The following CD2AP variants were observed in gnomAD, a reference collection of about 807,000 sequenced individuals.
CD2AP encodes CD2-associated protein.
CD2AP carries 46 observed loss-of-function variants against 85.1 expected under a neutral mutation model. That is an observed-to-expected ratio of 0.54 (90% confidence interval 0.43 to 0.69). CD2AP has a LOEUF of 0.69. Among genes scored for constraint, CD2AP ranks in the 30% least tolerant of loss-of-function variants. The pLI is 0.00. For missense variants in CD2AP, 769 were observed against 729.5 expected, an observed-to-expected ratio of 1.05 and a Z score of -0.62; for synonymous variants, 255 against 252.9, an observed-to-expected ratio of 1.01 and a Z score of -0.08.
intron 1 of CD2AP, among the ~76,000 whole-genome samples, chr6:47,492,843 G>T (rs1424604952): frequency 2.0e-5 from 3 of 151,860 alleles, no homozygotes; most frequent in African/African-American, 4.8e-5. Flanking sequence ...TTTTCTTTGA[G>T]TGTTTTATAT....
chr6:47,563,821 C>T (rs1378628327), intron 5 of CD2AP, among the ~76,000 whole-genome samples: 5 of 152,106 alleles, frequency 3.3e-5, no homozygotes, highest in Non-Finnish European at 5.9e-5. Flanking sequence ...AGTGTTCTTC[C>T]ACTATTTCTT....
chr6:47,592,047 G>C (rs1768814246), intron 11 of CD2AP, among the ~76,000 whole-genome samples: 1 of 151,886 alleles, frequency 6.6e-6, no homozygotes, highest in African/African-American at 2.4e-5. Flanking sequence ...TGTTGCCCAG[G>C]CTTGTCATGA....
At chr6:47,623,988 T>C (rs1472892395) in intron 17 of CD2AP, among the ~76,000 whole-genome samples, 198 bp from the exon 18 acceptor site, 1 of 152,172 alleles carries the variant, frequency 6.6e-6, no homozygotes, top group African/African-American at 2.4e-5. Flanking sequence ...TTTTTTCTTA[T>C]TGTAACTGCC....
intron 13 of CD2AP, among the ~76,000 whole-genome samples, chr6:47,601,300 T>C (rs1057282848): frequency 3.3e-5 from 5 of 151,934 alleles, no homozygotes; most frequent in African/African-American, 9.7e-5. Flanking sequence ...TTCTGATTTG[T>C]TCTTTTCTTT....
intron 5 of CD2AP, among the ~76,000 whole-genome samples, chr6:47,571,146 A>T (rs1468473439): frequency 1.3e-5 from 2 of 152,102 alleles, no homozygotes; most frequent in African/African-American, 4.8e-5. Flanking sequence ...GTTTCATTTT[A>T]AAAATGCCTT....
chr6:47,612,690 A>T (rs566744779), intron 17 of CD2AP, among the ~76,000 whole-genome samples, 154 bp downstream of exon 17: 1 of 152,248 alleles, frequency 6.6e-6, no homozygotes, highest in East Asian at 1.9e-4. Context: ...CAAAAAAAGA[A>T]TGAGATCCTG....
rs114193999 is a variant in CD2AP at position 47,499,115 on chromosome 6, G to C, written c.5-4165G>C. ...TTTTTGATAACTTCCTTACTTTCTG[G>C]CACAACAAAATGTTCCAGGCTAATC... On this transcript the variant is annotated intron_variant, in intron 1 of 17. Transcript: ENST00000359314. 3.6e-3 allele frequency among the ~76,000 whole-genome samples: 547 copies of C among 152,102 alleles called. 2 individuals carry two copies. The highest frequency in any genetic ancestry group is 0.012 in the African/African-American group (518 of 41,474).
At chr6:47,555,451 G>A (rs916825583) in intron 5 of CD2AP, among the ~76,000 whole-genome samples, 5 of 151,968 alleles carry the variant, frequency 3.3e-5, no homozygotes, top group Non-Finnish European at 5.9e-5. Context: ...GAGAATTTTC[G>A]GGGATTTGCA....
chr6:47,562,159 T>A (rs1767880735), intron 5 of CD2AP, among the ~76,000 whole-genome samples: 1 of 152,206 alleles, frequency 6.6e-6, no homozygotes, highest in South Asian at 2.1e-4. Context: ...TTCGTTTGCT[T>A]TTTAGTATAA....
intron 1 of CD2AP, among the ~76,000 whole-genome samples, chr6:47,496,842 A>G (rs939762302): frequency 6.6e-6 from 1 of 152,184 alleles, no homozygotes; most frequent in Non-Finnish European, 1.5e-5. Context: ...TTGCTTATTT[A>G]TAATCTCATG....
chr6:47,612,641 T>G, intron 17 of CD2AP, 105 bp downstream of exon 17: 1 of 761,032 alleles, frequency 1.3e-6, no homozygotes. Flanking sequence ...GCTATACTAC[T>G]TCAGTTGGAC....
At chr6:47,623,299 C>T (rs1433755500) in intron 17 of CD2AP, among the ~76,000 whole-genome samples, 1 of 152,134 alleles carries the variant, frequency 6.6e-6, no homozygotes, top group African/African-American at 2.4e-5. Context: ...TTTATGTGCA[C>T]TCTTGAGGAA....
chr6:47,609,563 G>T lies in CD2AP; in HGVS notation c.1814+259G>T, dbSNP rs148096534. The T allele has an allele frequency of 5.3e-4, 191 of 359,462 alleles. 3 individuals are homozygous for T. The highest frequency in any genetic ancestry group is 3.4e-3 in the South Asian group (111 of 32,668). 22.3% of individuals were successfully genotyped at this position (359,462 alleles called of 1,614,324 possible). A position where few individuals can be genotyped will look rare whatever the true frequency, so the allele number is the denominator to read the frequency against. ...AAAAGAAAAGAAAAAGCCAGGCTTGGTGACACATCCCTGTGGTCCCAGCTA... is the reference window on the plus strand; with the variant it reads ...AAAAGAAAAGAAAAAGCCAGGCTTGTTGACACATCCCTGTGGTCCCAGCTA... On this transcript the variant is annotated intron_variant, in intron 16 of 17. Coordinates refer to ENST00000359314, the MANE Select transcript of CD2AP (RefSeq NM_012120.3).
In CD2AP at chr6:47,609,124, C is replaced by A; in HGVS notation, c.1634C>A (p.Pro545Gln). The A allele has an allele frequency of 6.3e-7, 1 of 1,593,296 alleles. No homozygotes were observed. The highest frequency in any genetic ancestry group is 1.2e-5 in the South Asian group (1 of 85,274). Residue 545 changes from proline to glutamine, a missense_variant and splice_region_variant, in exon 16 of 18, where the codon CCA (proline) becomes CAA (glutamine). Pro to Gln is a moderately conservative substitution (Grantham distance 76, BLOSUM62 -1). Coordinates refer to ENST00000359314, the MANE Select transcript of CD2AP (RefSeq NM_012120.3). Reference sequence around the variant, plus strand: ...GAAATTTTTTTTTTACGTTTTCAGCCATCTGTGTACCTTTCAACACCTTCC... The same window carrying A: ...GAAATTTTTTTTTTACGTTTTCAGCAATCTGTGTACCTTTCAACACCTTCC... The part of the protein sequence containing the change: ...LKKDTCYSPK[P>Q]SVYLSTPSSA...
rs1470185274 is a variant in CD2AP, at chr6:47,503,455, T to C, written c.165+15T>C. The C allele has an allele frequency of 1.2e-6, 2 of 1,606,246 alleles. No individual in the cohort carries two copies. Among genetic ancestry groups the C allele is most frequent in the Non-Finnish European group, 1.7e-6 (2 of 1,173,074 alleles). On this transcript the variant is annotated intron_variant, in intron 2 of 17. Coordinates refer to ENST00000359314, the MANE Select transcript of CD2AP (RefSeq NM_012120.3). ...ATTTCGTTAAGGTAAGTATTTTCAG[T>C]TAAATTTCTAGCTCTTGCTTCATAG... is the stretch of plus-strand genomic sequence containing the variant.
At chr6:47,510,502 G>C (rs1313709140) in intron 2 of CD2AP, among the ~76,000 whole-genome samples, 1 of 152,134 alleles carries the variant, frequency 6.6e-6, no homozygotes, top group Non-Finnish European at 1.5e-5. Context: ...CAAAAGGTGG[G>C]CCTGTGTCAA....
chr6:47,536,721 C>G (rs1393202785), intron 3 of CD2AP, among the ~76,000 whole-genome samples: 1 of 152,134 alleles, frequency 6.6e-6, no homozygotes, highest in East Asian at 1.9e-4. Context: ...AAGTTGATTA[C>G]TGTAAGTTGC....
At chr6:47,545,467 C>T (rs1767339576) in intron 4 of CD2AP, among the ~76,000 whole-genome samples, 1 of 152,130 alleles carries the variant, frequency 6.6e-6, no homozygotes, top group Non-Finnish European at 1.5e-5. Flanking sequence ...CTCTAAGGCC[C>T]AGCCTATCAC....
intron 9 of CD2AP, chr6:47,579,811 GA>G (rs34540443): frequency 8.2e-6 from 2 of 243,698 alleles, no homozygotes; most frequent in African/African-American, 4.6e-5. Flanking sequence ...TAATGTTGTT[GA>G]AAAGCTCTAG....
Sources: gnomAD v4.1 joint callset for allele counts (sites outside exome capture counted in the v4.1 genomes callset) on GRCh38, gnomAD v4.1.1 for gene constraint, MANE v1.5 for transcripts, NCBI Gene and HGNC (gene_info 2026-07-23, HGNC 2026-07-21) for gene names.